ENKUR: variants seen among roughly 807,000 people sequenced by gnomAD.
ENKUR encodes the protein enkurin, TRPC channel interacting protein, also known as enkurin.
A neutral mutation model predicts 27.6 loss-of-function variants in ENKUR; 19 were observed. That is an observed-to-expected ratio of 0.69 (90% CI 0.48 to 1.01). ENKUR has a LOEUF of 1.01. Among genes scored for constraint, ENKUR ranks in the 50% least tolerant of loss-of-function variants. The pLI, the probability that ENKUR is intolerant of heterozygous loss-of-function variation, is 0.00. For missense variants in ENKUR, 312 were observed against 310.5 expected (o/e 1.00, Z -0.04); for synonymous variants, 117 against 96.9 (o/e 1.21, Z -1.22).
At chr10:25,031,086 C>T (rs1850927424) in intron 2 of ENKUR, among the ~76,000 whole-genome samples, 1 of 152,180 alleles carries the variant, frequency 6.6e-6, no homozygotes, top group Non-Finnish European at 1.5e-5. Context: ...CATTGCACTC[C>T]AGCCTGAGTG....
intron 2 of ENKUR, chr10:25,025,483 A>T (rs1181802491): frequency 6.4e-7 from 1 of 1,564,776 alleles, no homozygotes; most frequent in African/African-American, 1.4e-5. Context: ...TTTTTTTTCT[A>T]GCTATAAGCA....
rs1170649515 is a variant in ENKUR, at chr10:24,982,778, A to G, written c.*1592T>C. On this transcript the variant is annotated 3_prime_UTR_variant, in exon 6 of 6. Coordinates refer to ENST00000331161, the MANE Select transcript of ENKUR (RefSeq NM_145010.4). ...TGTTTCCCTCTGAAGGCTCTGTGAA[A>G]GAAAGGCAACAATGTTCATCTAGGA... The G allele has an allele frequency of 6.6e-6, 1 of 152,232 alleles. No individual in the cohort carries two copies. Among genetic ancestry groups the G allele is most frequent in the African/African-American group, 2.4e-5 (1 of 41,460 alleles). 9.4% of individuals were successfully genotyped at this position (152,232 alleles called of 1,614,324 possible). A position where few individuals can be genotyped will look rare whatever the true frequency, so the allele number is the denominator to read the frequency against.
chr10:25,025,227 C>G (rs747724077), intron 2 of ENKUR: 2 of 1,614,188 alleles, frequency 1.2e-6, no homozygotes, highest in African/African-American at 2.7e-5. Flanking sequence ...CAGCCCATTA[C>G]TCAAAGTTTG....
At chr10:25,040,004 T>C (rs1352985) in intron 2 of ENKUR, among the ~76,000 whole-genome samples, 38,706 of 116,108 alleles carry the variant, frequency 0.33, 6,171 homozygotes, top group East Asian at 0.5. Context: ...CTGGCCGTGG[T>C]ACGTACTCTG....
chr10:24,998,815 A>G (rs772522622), intron 2 of ENKUR, among the ~76,000 whole-genome samples: 10 of 152,196 alleles, frequency 6.6e-5, no homozygotes, highest in Non-Finnish European at 1.5e-4. Context: ...TTGATCAAAA[A>G]TTAAAAATTT....
chr10:25,023,453 A>G (rs753105385), intron 2 of ENKUR: 3 of 1,614,194 alleles, frequency 1.9e-6, no homozygotes, highest in Non-Finnish European at 2.5e-6. Context: ...ATAATAGGTC[A>G]GAAACTAGGT....
intron 2 of ENKUR, among the ~76,000 whole-genome samples, chr10:25,035,559 GA>G (rs35514834): frequency 0.023 from 3,178 of 137,940 alleles, 41 homozygotes; most frequent in Middle Eastern, 0.036. Flanking sequence ...CTGTCTCAAG[GA>G]AAAAAAAAAA....
At chr10:25,025,324 T>C in intron 2 of ENKUR, 3 of 1,614,182 alleles carry the variant, frequency 1.9e-6, no homozygotes, top group Non-Finnish European at 2.5e-6. Context: ...ATACAATGCA[T>C]TACCTCCACT....
At chr10:25,014,892 T>C (rs1261418267) in intron 1 of ENKUR, among the ~76,000 whole-genome samples, 1 of 152,298 alleles carries the variant, frequency 6.6e-6, no homozygotes, top group East Asian at 1.9e-4. Flanking sequence ...TAATTGACCA[T>C]TAGATCTAAA....
exon 2 of ENKUR, chr10:25,061,265 T>C: frequency 3.5e-6 from 3 of 861,952 alleles, no homozygotes; most frequent in Non-Finnish European, 5.5e-6. Flanking sequence ...GCCAGACACA[T>C]CCAGATATGG....
chr10:25,033,231 A>C (rs1850956846), intron 2 of ENKUR, among the ~76,000 whole-genome samples: 1 of 151,584 alleles, frequency 6.6e-6, no homozygotes, highest in East Asian at 1.9e-4. Context: ...ACATAGGGAG[A>C]CCTCTCTACA....
intron 2 of ENKUR, among the ~76,000 whole-genome samples, chr10:25,032,482 C>T (rs1419024198): frequency 1.3e-5 from 2 of 152,092 alleles, no homozygotes; most frequent in Non-Finnish European, 2.9e-5. Flanking sequence ...CAGCAGTCAC[C>T]CTGCTACATG....
At chr10:25,005,815 T>C (rs1850300539) in intron 1 of ENKUR, among the ~76,000 whole-genome samples, 1 of 152,226 alleles carries the variant, frequency 6.6e-6, no homozygotes, top group African/African-American at 2.4e-5. Flanking sequence ...TTGAGTATAA[T>C]GATGATCTTA....
intron 3 of ENKUR, among the ~76,000 whole-genome samples, chr10:24,993,196 C>T (rs1183062198): frequency 6.6e-6 from 1 of 152,086 alleles, no homozygotes; most frequent in Non-Finnish European, 1.5e-5. Context: ...AAAAAAAACT[C>T]ACAAATGAGC....
At chr10:25,028,057 C>G (rs1489324225) in intron 2 of ENKUR, among the ~76,000 whole-genome samples, 2 of 151,930 alleles carry the variant, frequency 1.3e-5, no homozygotes, top group Non-Finnish European at 2.9e-5. Flanking sequence ...AAAGGTCTCA[C>G]AAAGGACATA....
chr10:25,028,497 G>C (rs1284116471), intron 2 of ENKUR, among the ~76,000 whole-genome samples: 1 of 152,104 alleles, frequency 6.6e-6, no homozygotes, highest in Non-Finnish European at 1.5e-5. Flanking sequence ...GTGTCATCAG[G>C]TACCTTCCTC....
chr10:25,005,217 AT>A (rs1401182125), intron 1 of ENKUR, among the ~76,000 whole-genome samples: 1 of 152,050 alleles, frequency 6.6e-6, no homozygotes, highest in Non-Finnish European at 1.5e-5. Context: ...TCTATTTTCT[AT>A]TTATTATTAG....
chr10:25,017,111 G>C (rs1850614431), upstream of ENKUR, among the ~76,000 whole-genome samples: 1 of 152,208 alleles, frequency 6.6e-6, no homozygotes, highest in South Asian at 2.1e-4. Context: ...CTTCCTCTAG[G>C]TCGTTCTCCA....
intron 3 of ENKUR, among the ~76,000 whole-genome samples, chr10:24,992,357 G>A (rs1322916239): frequency 6.6e-6 from 1 of 152,162 alleles, no homozygotes; most frequent in Non-Finnish European, 1.5e-5. Context: ...GGTCGGGGAG[G>A]AACTCTCCGA....
Sources: gnomAD v4.1 joint callset for allele counts (sites outside exome capture counted in the v4.1 genomes callset) on GRCh38, gnomAD v4.1.1 for gene constraint, MANE v1.5 for transcripts, NCBI Gene and HGNC (gene_info 2026-07-23, HGNC 2026-07-21) for gene names.